The following COL14A1 variants were observed in gnomAD, a reference collection of about 807,000 sequenced individuals.
COL14A1 encodes the protein collagen type XIV alpha 1 chain.
A neutral mutation model predicts 230.3 loss-of-function variants in COL14A1; 136 were observed. The observed-to-expected ratio is 0.59, with a 90% CI of 0.51 to 0.68. The LOEUF (loss-of-function observed/expected upper bound fraction) is 0.68, where lower values mean the gene tolerates loss of function less well. Ranked by LOEUF, COL14A1 falls within the 30% of genes least tolerant of loss-of-function variation. The pLI, the probability that COL14A1 is intolerant of heterozygous loss-of-function variation, is 0.00. For missense variants in COL14A1, 1,976 were observed against 2,215.8 expected (o/e 0.89, Z 2.17); for synonymous variants, 792 against 784.1 (o/e 1.01, Z -0.17).
chr8:120,185,830 TG>T (rs1413192266), intron 5 of COL14A1, among the ~76,000 whole-genome samples: 1 of 152,190 alleles, frequency 6.6e-6, no homozygotes, highest in African/African-American at 2.4e-5. Context: ...TGCAGTGCAA[TG>T]GCGTGATCTT....
intron 45 of COL14A1, among the ~76,000 whole-genome samples, chr8:120,366,849 A>G (rs1385360468): frequency 6.6e-6 from 1 of 152,226 alleles, no homozygotes; most frequent in Non-Finnish European, 1.5e-5. Flanking sequence ...TGCCAGCTGC[A>G]TAAGTCCAGT....
At chr8:120,128,367 C>T (rs1391071636) in intron 1 of COL14A1, among the ~76,000 whole-genome samples, 1 of 152,038 alleles carries the variant, frequency 6.6e-6, no homozygotes, top group African/African-American at 2.4e-5. Flanking sequence ...AATAATATTC[C>T]TCCTTTAGCA....
At chr8:120,280,575 A>G in intron 29 of COL14A1, 136 bp from the exon 30 acceptor site, 3 of 822,116 alleles carry the variant, frequency 3.6e-6, no homozygotes, top group South Asian at 3.2e-5. Flanking sequence ...AGAAAACCAT[A>G]GTCACATTTG....
chr8:120,345,425 T>C lies in COL14A1; in HGVS notation c.4939T>C (p.Ser1647Pro), dbSNP rs1489779238. The C allele has an allele frequency of 3.1e-6, 5 of 1,599,328 alleles. No homozygotes were observed. The highest frequency in any genetic ancestry group is 4.3e-6 in the Non-Finnish European group (5 of 1,173,780). ...AILNQIPSHS[S>P]SIRTVQGPPG... is the part of the protein sequence containing the mutation. The stretch of plus-strand genomic sequence containing the variant: ...CCTCAACCAGATTCCCAGCCACTCC[T>C]CATCCATCCGGACTGTCCAAGGGCC... The change falls in exon 45 of 48, where the codon TCA (serine) becomes CCA (proline). Residue 1647 changes from serine to proline, a missense_variant. Physicochemically the swap from Ser to Pro is moderately conservative, Grantham distance 74 (BLOSUM62 -1). This residue lies in a region of COL14A1 where 1,791 missense variants were observed against 2,019.5 expected (regional missense o/e 0.89). Coordinates refer to ENST00000297848, the MANE Select transcript of COL14A1 (RefSeq NM_021110.4).
chr8:120,243,722 G>A (rs1818678625), intron 19 of COL14A1, among the ~76,000 whole-genome samples, 157 bp from the exon 20 acceptor site: 1 of 152,158 alleles, frequency 6.6e-6, no homozygotes, highest in Admixed American at 6.5e-5. Context: ...GAATTTCAGG[G>A]AGAAACGCTT....
At chr8:120,304,776 A>G (rs926577469) in intron 36 of COL14A1, among the ~76,000 whole-genome samples, 27 of 152,318 alleles carry the variant, frequency 1.8e-4, no homozygotes, top group African/African-American at 6.3e-4. Flanking sequence ...ATTTAAGAAT[A>G]ACACCCAGGG....
chr8:120,312,012 A>G (rs1821059342), intron 37 of COL14A1, among the ~76,000 whole-genome samples: 1 of 152,002 alleles, frequency 6.6e-6, no homozygotes, highest in African/African-American at 2.4e-5. Context: ...CAGGAGAATC[A>G]CTTGAACCTG....
At chr8:120,335,100 G>C (rs1822007817) in intron 42 of COL14A1, among the ~76,000 whole-genome samples, 1 of 152,158 alleles carries the variant, frequency 6.6e-6, no homozygotes, top group Non-Finnish European at 1.5e-5. Flanking sequence ...TGGGGAAGAA[G>C]GAAGGAAAGA....
chr8:120,280,580 C>T (rs1820003109), intron 29 of COL14A1, 131 bp from the exon 30 acceptor site: 2 of 862,470 alleles, frequency 2.3e-6, no homozygotes, highest in African/African-American at 1.7e-5. Flanking sequence ...ACCATAGTCA[C>T]ATTTGATTTG....
chr8:120,335,184 G>A (rs1822010936), intron 42 of COL14A1, among the ~76,000 whole-genome samples: 1 of 152,150 alleles, frequency 6.6e-6, no homozygotes, highest in African/African-American at 2.4e-5. Flanking sequence ...GAATCATTGA[G>A]TAACTATGAT....
At chr8:120,347,931 G>A (rs1822579275) in intron 45 of COL14A1, among the ~76,000 whole-genome samples, 1 of 152,144 alleles carries the variant, frequency 6.6e-6, no homozygotes, top group South Asian at 2.1e-4. Flanking sequence ...AAATATGGCT[G>A]TTGAGCATTC....
rs1563671932 is a variant in COL14A1 at position 120,207,099 on chromosome 8, T to C, written c.1191+5T>C. 6.2e-7 allele frequency: 1 copy of C among 1,608,148 alleles called. No individual in the cohort carries two copies. The highest frequency in any genetic ancestry group is 2.2e-5 in the East Asian group (1 of 44,716). On this transcript the variant is annotated splice_donor_5th_base_variant and intron_variant, in intron 10 of 47. Transcript: ENST00000297848. ...AGGGGTGGAAAACCAGACGAGGTAA[T>C]AAGGAGAGAGTATTTTCAAACCATT... is the stretch of plus-strand genomic sequence containing the variant.
intron 19 of COL14A1, among the ~76,000 whole-genome samples, chr8:120,235,759 T>C (rs1818424617): frequency 6.6e-6 from 1 of 152,218 alleles, no homozygotes; most frequent in Admixed American, 6.5e-5. Context: ...CATTTAGTGC[T>C]GTAAGTTTCC....
intron 42 of COL14A1, among the ~76,000 whole-genome samples, chr8:120,335,209 C>T (rs555707672): frequency 1.3e-5 from 2 of 152,204 alleles, no homozygotes; most frequent in East Asian, 3.9e-4. Flanking sequence ...CCCTGCTCAC[C>T]GATCTGGCCT....
rs190639014 is a variant in COL14A1, at chr8:120,247,377, C to T, written c.2480-236C>T. 8.7e-4 allele frequency among the ~76,000 whole-genome samples: 132 copies of T among 151,686 alleles called. 1 individual carries two copies. Among genetic ancestry groups the T allele is most frequent in the African/African-American group, 3.0e-3 (122 of 41,324 alleles). On this transcript the variant is annotated intron_variant, in intron 20 of 47. Transcript: ENST00000297848. Reference sequence around the variant, plus strand: ...GGTGGAGGTTGCAGTGAGCGGAGATCGTGCCACTGCACTCCAGCCTGGGTG... The same window carrying T: ...GGTGGAGGTTGCAGTGAGCGGAGATTGTGCCACTGCACTCCAGCCTGGGTG...
At chr8:120,255,219 T>C in intron 22 of COL14A1, 21 bp from the exon 23 acceptor site, 1 of 1,572,850 alleles carries the variant, frequency 6.4e-7, no homozygotes, top group Non-Finnish European at 8.8e-7. Flanking sequence ...GTGATACAGT[T>C]ATGTTTCTAT....
intron 5 of COL14A1, 58 bp from the exon 6 acceptor site, chr8:120,196,733 C>T: frequency 6.4e-7 from 1 of 1,552,756 alleles, no homozygotes; most frequent in Non-Finnish European, 8.8e-7. Flanking sequence ...TTAAGATGGA[C>T]TGTTTTTGAA....
At chr8:120,218,060 T>C (rs1420404819) in intron 14 of COL14A1, among the ~76,000 whole-genome samples, 1 of 141,444 alleles carries the variant, frequency 7.1e-6, no homozygotes, top group Non-Finnish European at 1.5e-5. Flanking sequence ...TCTATTTTTA[T>C]GTATCTATAT....
Position 120,367,262 on chromosome 8 carries a change from C to T in COL14A1, c.5155+14C>T, listed in dbSNP as rs1211657132. 6.3e-7 allele frequency: 1 copy of T among 1,595,682 alleles called. No individual in the cohort carries two copies. The highest frequency in any genetic ancestry group is 8.5e-7 in the Non-Finnish European group (1 of 1,170,164). On this transcript the variant is annotated intron_variant, in intron 46 of 47. Transcript: ENST00000297848. ...CTGGACCAGCAGGTAAATCTTCCTT[C>T]CTAACAAGAGACTGCAAATGTATAT... is the stretch of plus-strand genomic sequence containing the variant.
Sources: gnomAD v4.1 joint callset for allele counts (sites outside exome capture counted in the v4.1 genomes callset) on GRCh38, gnomAD v4.1.1 for gene constraint, gnomAD v4.1.1 regional missense constraint, MANE v1.5 for transcripts, NCBI Gene and HGNC (gene_info 2026-07-23, HGNC 2026-07-21) for gene names.